Variants in INTS8 observed in about 807,000 individuals in gnomAD.
INTS8 encodes integrator complex subunit 8.
INTS8 carries 47 observed loss-of-function variants against 138.9 expected under a neutral mutation model. That is an observed-to-expected ratio of 0.34 (90% CI 0.27 to 0.43). The LOEUF (loss-of-function observed/expected upper bound fraction) is 0.43, where lower values mean the gene tolerates loss of function less well. Among genes scored for constraint, INTS8 ranks in the 20% least tolerant of loss-of-function variants. The probability of loss-of-function intolerance (pLI) is 1.00; values close to 1 mark genes in which losing one functional copy is unlikely to be tolerated. For synonymous variants in INTS8, 392 were observed against 400.9 expected (o/e 0.98, Z 0.27); for missense variants, 996 against 1,173.0 (o/e 0.85, Z 2.20).
chr8:94,858,787 A>G (rs1175834085), intron 15 of INTS8, among the ~76,000 whole-genome samples: 1 of 152,244 alleles, frequency 6.6e-6, no homozygotes, highest in Non-Finnish European at 1.5e-5. Context: ...TGAATGGGTG[A>G]AAGTTCCTTT....
intron 11 of INTS8, 143 bp downstream of exon 11, chr8:94,849,675 A>G (rs6986418): frequency 0.21 from 127,528 of 617,038 alleles, 14,189 homozygotes; most frequent in African/African-American, 0.25. Context: ...CATTAAGTTC[A>G]AATTTGTATA....
At chr8:94,859,441 C>A in intron 15 of INTS8, 70 bp from the exon 16 acceptor site, 2 of 1,456,968 alleles carry the variant, frequency 1.4e-6, no homozygotes, top group Non-Finnish European at 1.9e-6. Flanking sequence ...GAAATCTGAG[C>A]AAGTATTTGC....
At chr8:94,850,576 C>T (rs1815501177) in intron 12 of INTS8, among the ~76,000 whole-genome samples, 1 of 145,126 alleles carries the variant, frequency 6.9e-6, no homozygotes, top group Non-Finnish European at 1.5e-5. Flanking sequence ...TGCGCCACTG[C>T]ACTCCAGCCT....
chr8:94,856,738 A>G (rs2131042067), intron 14 of INTS8, 39 bp from the exon 15 acceptor site: 1 of 1,579,976 alleles, frequency 6.3e-7, no homozygotes, highest in South Asian at 1.1e-5. Context: ...TTTGGCGCCA[A>G]AGGAAAGGTG....
chr8:94,867,017 CAG>C, intron 18 of INTS8, 121 bp from the exon 19 acceptor site: 1 of 761,382 alleles, frequency 1.3e-6, no homozygotes. Flanking sequence ...CATGCTAAAA[CAG>C]ATGCTACATT....
intron 2 of INTS8, among the ~76,000 whole-genome samples, 179 bp downstream of exon 2, chr8:94,825,246 T>A (rs1814447648): frequency 6.6e-6 from 1 of 152,086 alleles, no homozygotes; most frequent in Admixed American, 6.6e-5. Flanking sequence ...GGTCAGGAGT[T>A]TGAGACCAGC....
At chr8:94,836,722 G>A in intron 7 of INTS8, 91 bp downstream of exon 7, 1 of 745,196 alleles carries the variant, frequency 1.3e-6, no homozygotes, top group Middle Eastern at 2.4e-4. Context: ...ATAAAAACGT[G>A]TTCATTATTA....
At chr8:94,878,827 T>A (rs940557296) in intron 26 of INTS8, among the ~76,000 whole-genome samples, 1 of 152,216 alleles carries the variant, frequency 6.6e-6, no homozygotes, top group Non-Finnish European at 1.5e-5. Context: ...TTACATCTCC[T>A]TCCTTCTTGA....
chr8:94,834,136 T>C (rs567857552), intron 6 of INTS8, among the ~76,000 whole-genome samples: 3 of 152,250 alleles, frequency 2.0e-5, no homozygotes, highest in African/African-American at 7.2e-5. Context: ...GTTATTTTTT[T>C]CCCCCAATAA....
chr8:94,877,570 C>T (rs1816607022), intron 26 of INTS8, among the ~76,000 whole-genome samples: 1 of 152,130 alleles, frequency 6.6e-6, no homozygotes, highest in Non-Finnish European at 1.5e-5. Flanking sequence ...TGCTTCATAC[C>T]TTACTTCCTT....
At chr8:94,858,432 T>C (rs1156352673) in intron 15 of INTS8, among the ~76,000 whole-genome samples, 1 of 152,240 alleles carries the variant, frequency 6.6e-6, no homozygotes, top group East Asian at 1.9e-4. Flanking sequence ...AGGATTGATC[T>C]AATAATATGC....
chr8:94,834,969 A>T lies in INTS8; in HGVS notation c.754-1555A>T, dbSNP rs539227719. On this transcript the variant is annotated intron_variant, in intron 6 of 26. Coordinates refer to ENST00000523731, the MANE Select transcript of INTS8 (RefSeq NM_017864.4). ...GTGTGGAATGAAGCATATTTCTAGT[A>T]TCTCATGTGAATGGGGACTTGAGAA... Among the ~76,000 whole-genome samples the T allele has an allele frequency of 4.4e-3, 677 of 152,312 alleles. 5 individuals carry two copies. The highest frequency in any genetic ancestry group is 4.6e-3 in the Non-Finnish European group (313 of 68,030).
intron 12 of INTS8, among the ~76,000 whole-genome samples, chr8:94,850,428 C>T (rs191010242): frequency 1.5e-3 from 222 of 152,010 alleles, no homozygotes; most frequent in African/African-American, 4.9e-3. Flanking sequence ...CTGGCTAACA[C>T]GGTGAAACCC....
intron 6 of INTS8, among the ~76,000 whole-genome samples, chr8:94,834,501 A>C (rs192390646): frequency 2.0e-5 from 3 of 152,070 alleles, no homozygotes; most frequent in Non-Finnish European, 4.4e-5. Context: ...TGAGGTCAGA[A>C]GTTCTAGACC....
At chr8:94,867,415 A>G in intron 20 of INTS8, 78 bp downstream of exon 20, 2 of 1,032,192 alleles carry the variant, frequency 1.9e-6, no homozygotes, top group East Asian at 4.8e-5. Context: ...AGATACCCTT[A>G]GATAATTTTA....
intron 21 of INTS8, 77 bp from the exon 22 acceptor site, chr8:94,873,297 A>G (rs1816462183): frequency 1.1e-6 from 1 of 941,762 alleles, no homozygotes; most frequent in African/African-American, 1.6e-5. Context: ...TTATGAAGTT[A>G]CACCTGACTC....
At chr8:94,866,299 A>AT (rs759993536) in intron 18 of INTS8, 108 bp downstream of exon 18, 501 of 677,138 alleles carry the variant, frequency 7.4e-4, no homozygotes, top group East Asian at 8.3e-4. Flanking sequence ...TTGTTTTTTA[A>AT]TTTTTTTTTA....
chr8:94,870,112 C>T lies in INTS8; in HGVS notation c.2415-1772C>T, dbSNP rs983879105. ...TGTCACCCAGGCTGGAGTGCAGTAG[C>T]GCGATCTTGGCTCACTGCAAGCTCT... is the stretch of plus-strand genomic sequence containing the variant. On this transcript the variant is annotated intron_variant, in intron 20 of 26. Coordinates refer to ENST00000523731, the MANE Select transcript of INTS8 (RefSeq NM_017864.4). Among the ~76,000 whole-genome samples the T allele has an allele frequency of 5.9e-5, 9 of 151,288 alleles. 1 individual carries two copies. Among genetic ancestry groups the T allele is most frequent in the South Asian group, 4.2e-4 (2 of 4,804 alleles).
In INTS8 at chr8:94,841,526, C is replaced by G; in HGVS notation, c.1053C>G (p.Thr351=). The part of the protein sequence containing the change: ...VIQIFIEDNL[T]LSLPVQFRQS... Reference sequence around the variant, plus strand: ...AGATTTTCATTGAAGACAACTTAACCTTGAGTTTACCTGTCCAGTTCCGAC... The same window carrying G: ...AGATTTTCATTGAAGACAACTTAACGTTGAGTTTACCTGTCCAGTTCCGAC... The change falls in exon 9 of 27, where the codon ACC becomes ACG. Residue 351 remains threonine, a synonymous_variant. Transcript: ENST00000523731. 3.1e-6 allele frequency: 5 copies of G among 1,607,730 alleles called. No homozygotes were observed. The highest frequency in any genetic ancestry group is 4.3e-6 in the Non-Finnish European group (5 of 1,175,702).
Sources: allele counts gnomAD v4.1 joint callset (sites outside exome capture counted in the v4.1 genomes callset), GRCh38; gene constraint gnomAD v4.1.1; transcripts MANE v1.5; gene names NCBI Gene and HGNC (gene_info 2026-07-23, HGNC 2026-07-21).